NF2: variants seen among roughly 807,000 people sequenced by gnomAD.
NF2 encodes NF2, moesin-ezrin-radixin like (MERLIN) tumor suppressor, also known as merlin.
Under a neutral mutation model 83.7 loss-of-function variants are expected in NF2, and 8 were observed. The observed-to-expected ratio is 0.10, with a 90% CI of 0.06 to 0.17. NF2 has a LOEUF of 0.17. NF2 is among the 10% of genes least tolerant of loss of function. The pLI, the probability that NF2 is intolerant of heterozygous loss-of-function variation, is 1.00. For synonymous variants in NF2, 266 were observed against 269.6 expected, an observed-to-expected ratio of 0.99 and a Z score of 0.13; for missense variants, 533 against 744.4, an observed-to-expected ratio of 0.72 and a Z score of 3.31.
rs1474089514 is a variant in NF2 at position 29,636,544 on chromosome 22, G to A, written c.115-207G>A. On this transcript the variant is annotated intron_variant, in intron 1 of 15. Transcript: ENST00000338641. This position sits in a 1 kb window ranked among gnomAD's most constrained non-coding sequence, Gnocchi z 4.4. ...CCAAGGGATGTATTGTGTATGCTTT[G>A]CAGTGATTAAGCCATTAAGCTCTAA... Among the ~76,000 whole-genome samples, 1 of 152,186 alleles carries A rather than the reference G, an allele frequency of 6.6e-6. No individual in the cohort carries two copies. Among genetic ancestry groups the A allele is most frequent in the Non-Finnish European group, 1.5e-5 (1 of 68,040 alleles).
intron 1 of NF2, among the ~76,000 whole-genome samples, chr22:29,624,825 C>CTTTCTTTA (rs1279900086): frequency 7.1e-6 from 1 of 140,344 alleles, no homozygotes; most frequent in East Asian, 2.1e-4. Context: ...TTCTTTCTTT[C>CTTTCTTTA]TTTCTTTCTT....
chr22:29,686,625 G>T (rs1437908382), intron 15 of NF2, among the ~76,000 whole-genome samples: 1 of 152,210 alleles, frequency 6.6e-6, no homozygotes, highest in African/African-American at 2.4e-5. Context: ...GGCAACAAGA[G>T]CAAGATTCCA....
intron 1 of NF2, among the ~76,000 whole-genome samples, chr22:29,608,318 G>C: frequency 6.8e-6 from 1 of 147,726 alleles, no homozygotes; most frequent in Non-Finnish European, 1.5e-5. Flanking sequence ...TCGCTCTGTT[G>C]CCTAGGCTGG....
At position 29,603,664 on chromosome 22, in the gene NF2, G is replaced by C. The variant is rs1418132782; in HGVS notation, c.-335G>C. 2.4e-6 allele frequency: 1 copy of C among 410,308 alleles called. No individual in the cohort carries two copies. Among genetic ancestry groups the C allele is most frequent in the Non-Finnish European group, 4.3e-6 (1 of 233,132 alleles). The allele number at this position is 410,308 out of a possible 1,614,324, so 25.4% of individuals were successfully genotyped here. A position where few individuals can be genotyped will look rare whatever the true frequency, so the allele number is the denominator to read the frequency against. ...CTAGTCGGCCGCTGAGAGGCGCGCG[G>C]AGTCTGGGCCGCTGCCGTCTAGGGG... On this transcript the variant is annotated 5_prime_UTR_variant, in exon 1 of 16. Transcript: ENST00000338641.
chr22:29,694,695 C>T lies in NF2; in HGVS notation c.1738-57C>T. ...TGAGTCCAAGTGGCAGGACAGGACC[C>T]TGTGTGACAGAGCGGAGGTCTTGTG... On this transcript the variant is annotated intron_variant, in intron 15 of 15. Transcript: ENST00000338641. This position sits in a 1 kb window ranked among gnomAD's most constrained non-coding sequence, Gnocchi z 4.1. 1 of 1,578,700 alleles carries T rather than the reference C, an allele frequency of 6.3e-7. No homozygotes were observed. The highest frequency in any genetic ancestry group is 8.7e-7 in the Non-Finnish European group (1 of 1,155,362).
chr22:29,691,198 T>A (rs1396948101), intron 15 of NF2, among the ~76,000 whole-genome samples: 2 of 152,206 alleles, frequency 1.3e-5, no homozygotes. Context: ...CTGGGGGGAC[T>A]CCACTCCCCA....
chr22:29,674,757 C>T, intron 12 of NF2, 79 bp from the exon 13 acceptor site: 4 of 1,289,736 alleles, frequency 3.1e-6, no homozygotes, highest in Admixed American at 2.0e-5. Flanking sequence ...CCAGGTCCCT[C>T]CTCTGCAGGG....
In NF2 at chr22:29,694,736, C is replaced by A. The variant is rs991413321; in HGVS notation, c.1738-16C>A. On this transcript the variant is annotated splice_polypyrimidine_tract_variant and intron_variant, in intron 15 of 15. Coordinates refer to ENST00000338641, the MANE Select transcript of NF2 (RefSeq NM_000268.4). This position sits in a 1 kb window ranked among gnomAD's most constrained non-coding sequence, Gnocchi z 4.1. ...AGGTCTTGTGCCCTCTCAGCTTCTT[C>A]TCTGCTTTCTTACAGCTCACCTTGC... 1 of 1,613,418 alleles carries A rather than the reference C, an allele frequency of 6.2e-7. No individual in the cohort carries two copies. Among genetic ancestry groups the A allele is most frequent in the African/African-American group, 1.3e-5 (1 of 74,896 alleles).
chr22:29,675,164 G>T (rs866714819), intron 13 of NF2, among the ~76,000 whole-genome samples: 5 of 152,188 alleles, frequency 3.3e-5, no homozygotes, highest in Non-Finnish European at 7.3e-5. Flanking sequence ...CTGGATAACA[G>T]GCAACAGGGC....
At chr22:29,646,559 C>T (rs1022386919) in intron 4 of NF2, among the ~76,000 whole-genome samples, 1 of 152,158 alleles carries the variant, frequency 6.6e-6, no homozygotes, top group African/African-American at 2.4e-5. Flanking sequence ...GAAGGGAAAG[C>T]GAATTGAGCT....
chr22:29,623,537 G>A (rs965232945), intron 1 of NF2, among the ~76,000 whole-genome samples: 7 of 152,136 alleles, frequency 4.6e-5, no homozygotes, highest in African/African-American at 7.2e-5. Flanking sequence ...GCAGATGTAA[G>A]CATCTAGTGA....
At chr22:29,626,153 C>CTTTTTT (rs34704204) in intron 1 of NF2, among the ~76,000 whole-genome samples, 2 of 128,218 alleles carry the variant, frequency 1.6e-5, no homozygotes, top group Admixed American at 8.3e-5. Context: ...CATCTGCAGA[C>CTTTTTT]TTTTTTTTTT....
intron 11 of NF2, 58 bp downstream of exon 11, chr22:29,672,006 T>A: frequency 6.2e-7 from 1 of 1,612,450 alleles, no homozygotes; most frequent in Non-Finnish European, 8.5e-7. Context: ...TTGGCTTTTC[T>A]GGAGCTTGGT....
chr22:29,671,615 A>G (rs1043388347), intron 10 of NF2, among the ~76,000 whole-genome samples: 4 of 144,122 alleles, frequency 2.8e-5, no homozygotes, highest in Non-Finnish European at 5.9e-5. Flanking sequence ...ATTCACCACT[A>G]GACTGTTTTT....
chr22:29,672,607 C>T (rs1221598385), intron 11 of NF2, among the ~76,000 whole-genome samples: 2 of 151,122 alleles, frequency 1.3e-5, no homozygotes, highest in South Asian at 2.1e-4. Flanking sequence ...CCACCGTGCC[C>T]AGCTGTACTT....
At chr22:29,628,026 G>A (rs530152024) in intron 1 of NF2, among the ~76,000 whole-genome samples, 1 of 152,280 alleles carries the variant, frequency 6.6e-6, no homozygotes, top group South Asian at 2.1e-4. Flanking sequence ...CTGCTCAGAA[G>A]CCTCATCTAG....
At chr22:29,678,954 C>T (rs1322411216) in intron 14 of NF2, among the ~76,000 whole-genome samples, 1 of 152,228 alleles carries the variant, frequency 6.6e-6, no homozygotes, top group African/African-American at 2.4e-5. Context: ...GCGAGGGCCC[C>T]TAGTTCCCAG....
intron 4 of NF2, among the ~76,000 whole-genome samples, chr22:29,654,003 T>C (rs1014613967): frequency 6.6e-6 from 1 of 152,104 alleles, no homozygotes; most frequent in Admixed American, 6.5e-5. Flanking sequence ...TTTTTTTTAA[T>C]CAGAGAATAA....
intron 1 of NF2, among the ~76,000 whole-genome samples, chr22:29,635,449 C>T (rs1451381511): frequency 6.6e-6 from 1 of 152,144 alleles, no homozygotes; most frequent in Non-Finnish European, 1.5e-5. Flanking sequence ...CTGCCTCAGC[C>T]TCCCGAGTAG....
Sources: allele counts gnomAD v4.1 joint callset (sites outside exome capture counted in the v4.1 genomes callset), GRCh38; gene constraint gnomAD v4.1.1; non-coding constraint Gnocchi (gnomAD v3.1); transcripts MANE v1.5; gene names NCBI Gene and HGNC (gene_info 2026-07-23, HGNC 2026-07-21).